FAM168B: variants seen among roughly 807,000 people sequenced by gnomAD.
FAM168B encodes myelin-associated neurite-outgrowth inhibitor.
FAM168B carries 19 observed loss-of-function variants against 21.8 expected under a neutral mutation model. That is an observed-to-expected ratio of 0.87 (90% confidence interval 0.61 to 1.28). The LOEUF (loss-of-function observed/expected upper bound fraction) is 1.28, where lower values mean the gene tolerates loss of function less well. Among genes scored for constraint, FAM168B ranks in the 50% most tolerant of loss-of-function variants. The pLI is 0.00. For missense variants in FAM168B, 233 were observed against 263.1 expected, an observed-to-expected ratio of 0.89 and a Z score of 0.79; for synonymous variants, 126 against 104.8, an observed-to-expected ratio of 1.20 and a Z score of -1.24.
Position 131,048,203 on chromosome 2 carries a change from T to C in FAM168B, c.*4262A>G, listed in dbSNP as rs1473681265. The C allele has an allele frequency of 1.6e-6, 2 of 1,263,236 alleles. No individual in the cohort carries two copies. The highest frequency in any genetic ancestry group is 2.1e-6 in the Non-Finnish European group (2 of 964,912). The allele number at this position is 1,263,236 out of a possible 1,614,324, so 78.3% of individuals were successfully genotyped here. A position where few individuals can be genotyped will look rare whatever the true frequency, so the allele number is the denominator to read the frequency against. On this transcript the variant is annotated 3_prime_UTR_variant, in exon 7 of 7. Coordinates refer to ENST00000389915, the MANE Select transcript of FAM168B (RefSeq NM_001009993.4). The stretch of plus-strand genomic sequence containing the variant: ...AAAAAAACAAAAAGGAACCGTTTCT[T>C]CTTTAGTTACAATCCATGAGGCTCT...
chr2:131,071,780 A>C, intron 3 of FAM168B, 75 bp downstream of exon 3: 1 of 1,216,198 alleles, frequency 8.2e-7, no homozygotes, highest in Non-Finnish European at 1.2e-6. Context: ...TTCTATACCC[A>C]CCCCTCTCAA....
In FAM168B at chr2:131,071,853, A is replaced by T; in HGVS notation, c.154+2T>A. 1 of 1,613,668 alleles carries T rather than the reference A, an allele frequency of 6.2e-7. No homozygotes were observed. The highest frequency in any genetic ancestry group is 8.5e-7 in the Non-Finnish European group (1 of 1,179,688). On this transcript the variant is annotated splice_donor_variant, in intron 3 of 6. Transcript: ENST00000389915. LOFTEE classifies it high-confidence loss of function. ...CAAAGCATTTTACCACCCAGCACAT[A>T]CCTGTTTGGAAGGTAGGATTCGCTC... is the stretch of plus-strand genomic sequence containing the variant.
In FAM168B at chr2:131,052,087, C is replaced by A. The variant is rs866475643; in HGVS notation, c.*378G>T. The A allele has an allele frequency of 2.0e-6, 2 of 985,802 alleles. No homozygotes were observed. The highest frequency in any genetic ancestry group is 1.0e-3 in the Middle Eastern group (2 of 1,914). The allele number at this position is 985,802 out of a possible 1,614,324, so 61.1% of individuals were successfully genotyped here. On this transcript the variant is annotated 3_prime_UTR_variant, in exon 7 of 7. Coordinates refer to ENST00000389915, the MANE Select transcript of FAM168B (RefSeq NM_001009993.4). The stretch of plus-strand genomic sequence containing the variant: ...TGATACAAGTTGTAAAATACGTTTC[C>A]ATTCCTTTGGATTTTGCATATGATG...
In FAM168B at chr2:131,054,070, A is replaced by C. The variant is rs6743192; in HGVS notation, c.476-1055T>G. On this transcript the variant is annotated intron_variant, in intron 5 of 6. Coordinates refer to ENST00000389915, the MANE Select transcript of FAM168B (RefSeq NM_001009993.4). ...AGGTACAAAAAAATATTAGGCAGGCATGGTGGCAGGCGCCTGTAGTCCCAG... is the reference window on the plus strand; with the variant it reads ...AGGTACAAAAAAATATTAGGCAGGCCTGGTGGCAGGCGCCTGTAGTCCCAG... Among the ~76,000 whole-genome samples the C allele has an allele frequency of 7.9e-3, 1,205 of 151,862 alleles. 12 individuals carry two copies. The highest frequency in any genetic ancestry group is 0.013 in the Non-Finnish European group (882 of 67,940).
In FAM168B at chr2:131,055,318, C is replaced by G; in HGVS notation, c.429G>C (p.Gly143=). 2 of 1,584,520 alleles carry G rather than the reference C, an allele frequency of 1.3e-6. No homozygotes were observed. The highest frequency in any genetic ancestry group is 1.7e-6 in the Non-Finnish European group (2 of 1,170,604). ...TCCCAGCCACCATGCCCATGGTGAC[C>G]CCGTTGCCTCTAGGAGGGGGGATGG... The part of the protein sequence containing the change: ...PAPIPPPRGN[G]VTMGMVAGTT... The change falls in exon 5 of 7, where the codon GGG becomes GGC. Residue 143 remains glycine (G), a synonymous_variant. Coordinates refer to ENST00000389915, the MANE Select transcript of FAM168B (RefSeq NM_001009993.4).
Position 131,058,121 on chromosome 2 carries a change from T to C in FAM168B, c.155-2426A>G, listed in dbSNP as rs574120092. On this transcript the variant is annotated intron_variant, in intron 3 of 6. Transcript: ENST00000389915. ...TAGTAGGATTACAGGTGTGAGCCTG[T>C]ATATATATATGTGCCTGGTCCATAT... 3.6e-3 allele frequency among the ~76,000 whole-genome samples: 359 copies of C among 100,092 alleles called. 1 individual carries two copies. Among genetic ancestry groups the C allele is most frequent in the Non-Finnish European group, 4.8e-3 (253 of 52,958 alleles). 65.7% of individuals were successfully genotyped at this position (100,092 alleles called of 152,430 possible).
In FAM168B at chr2:131,050,412, G is replaced by C. The variant is rs1184101904; in HGVS notation, c.*2053C>G. ...GGAACCGTTAGAACCTACTAATCCT[G>C]CCAACCATCCACTAAACAGATGGAA... On this transcript the variant is annotated 3_prime_UTR_variant, in exon 7 of 7. Transcript: ENST00000389915. The C allele has an allele frequency of 4.1e-6, 4 of 985,662 alleles. No individual in the cohort carries two copies. The South Asian group carries it at 1.4e-4, about 35-fold the overall frequency. The allele number at this position is 985,662 out of a possible 1,614,324, so 61.1% of individuals were successfully genotyped here. A position where few individuals can be genotyped will look rare whatever the true frequency, so the allele number is the denominator to read the frequency against.
Position 131,048,885 on chromosome 2 carries a change from C to G in FAM168B, c.*3580G>C, listed in dbSNP as rs546004709. 2 of 985,908 alleles carry G rather than the reference C, an allele frequency of 2.0e-6. No individual in the cohort carries two copies. The highest frequency in any genetic ancestry group is 2.4e-6 in the Non-Finnish European group (2 of 830,094). 61.1% of individuals were successfully genotyped at this position (985,908 alleles called of 1,614,324 possible). On this transcript the variant is annotated 3_prime_UTR_variant, in exon 7 of 7. Transcript: ENST00000389915. The stretch of plus-strand genomic sequence containing the variant: ...CGCCCAATGGAGGTCCTGTCCTGTC[C>G]GGGCAACAGCCAAACTGGCGACAAT...
At chr2:131,066,371 T>C (rs1012905918) in intron 3 of FAM168B, among the ~76,000 whole-genome samples, 2 of 152,084 alleles carry the variant, frequency 1.3e-5, no homozygotes, top group African/African-American at 4.8e-5. Flanking sequence ...GAGACGGGGT[T>C]TCACCGTGTT....
At chr2:131,057,303 A>G (rs556879055) in intron 3 of FAM168B, among the ~76,000 whole-genome samples, 1 of 152,228 alleles carries the variant, frequency 6.6e-6, no homozygotes, top group Non-Finnish European at 1.5e-5. Context: ...TGGAGAAAGG[A>G]TAAATCATGA....
intron 3 of FAM168B, among the ~76,000 whole-genome samples, chr2:131,067,491 A>G (rs1037036664): frequency 1.2e-4 from 19 of 152,340 alleles, no homozygotes; most frequent in Middle Eastern, 3.4e-3. Context: ...CTGTAATCCC[A>G]ACACTTTGAG....
intron 1 of FAM168B, among the ~76,000 whole-genome samples, chr2:131,092,057 T>G (rs547406508): frequency 6.7e-6 from 1 of 150,278 alleles, no homozygotes; most frequent in South Asian, 2.1e-4. Context: ...GGCAAAAGAC[T>G]GACGTGAATC....
At chr2:131,083,357 A>C (rs1352294940) in intron 1 of FAM168B, among the ~76,000 whole-genome samples, 1 of 151,982 alleles carries the variant, frequency 6.6e-6, no homozygotes, top group Non-Finnish European at 1.5e-5. Context: ...CGTCTCAAAA[A>C]AACAAAACAA....
At chr2:131,086,381 G>A (rs187124744) in intron 1 of FAM168B, among the ~76,000 whole-genome samples, 6 of 152,200 alleles carry the variant, frequency 3.9e-5, no homozygotes, top group East Asian at 1.9e-4. Context: ...CTGGAAAAGC[G>A]CTGTCCAACA....
intron 3 of FAM168B, 80 bp from the exon 4 acceptor site, chr2:131,055,775 A>T: frequency 6.5e-7 from 1 of 1,533,730 alleles, no homozygotes; most frequent in Non-Finnish European, 8.8e-7. Context: ...GGAGGAGCTA[A>T]GCTGCGTGTC....
chr2:131,086,342 A>G (rs1558998721), intron 1 of FAM168B, among the ~76,000 whole-genome samples: 1 of 152,332 alleles, frequency 6.6e-6, no homozygotes, highest in East Asian at 1.9e-4. Context: ...ACAAAATGGC[A>G]AGTCACAATC....
At chr2:131,077,140 C>T (rs1693195806) in intron 2 of FAM168B, among the ~76,000 whole-genome samples, 1 of 151,482 alleles carries the variant, frequency 6.6e-6, no homozygotes, top group Admixed American at 6.6e-5. Flanking sequence ...AACTCCAATG[C>T]CCATCACAAG....
At chr2:131,052,682 C>CA (rs1245721223) in intron 6 of FAM168B, among the ~76,000 whole-genome samples, 1 of 152,156 alleles carries the variant, frequency 6.6e-6, no homozygotes, top group Non-Finnish European at 1.5e-5. Context: ...TCAAGATGGA[C>CA]AGTGTCAACA....
rs1313174126 is a variant in FAM168B at position 131,083,331 on chromosome 2, C to T, written c.-11-674G>A. ...ATTGCACCACTGCACTCCAGCCTGG[C>T]GACAGAGCGAGACTCCGTCTCAAAA... On this transcript the variant is annotated intron_variant, in intron 1 of 6. Transcript: ENST00000389915. Among the ~76,000 whole-genome samples, 6 of 152,006 alleles carry T rather than the reference C, an allele frequency of 3.9e-5. No individual in the cohort carries two copies. The South Asian group carries it at 6.2e-4, about 16-fold the overall frequency.
Sources: gnomAD v4.1 joint callset for allele counts (sites outside exome capture counted in the v4.1 genomes callset) on GRCh38, gnomAD v4.1.1 for gene constraint, MANE v1.5 for transcripts, NCBI Gene and HGNC (gene_info 2026-07-23, HGNC 2026-07-21) for gene names.